CDH13: variants seen among roughly 807,000 people sequenced by gnomAD.
CDH13 encodes cadherin 13, also known as cadherin-13.
A neutral mutation model predicts 63.8 loss-of-function variants in CDH13; 24 were observed. The observed-to-expected ratio is 0.38, with a 90% confidence interval of 0.27 to 0.53. The LOEUF (loss-of-function observed/expected upper bound fraction) is 0.53, where lower values mean the gene tolerates loss of function less well. Among genes scored for constraint, CDH13 ranks in the 20% least tolerant of loss-of-function variants. The pLI is 0.85. For missense variants in CDH13, 1,049 were observed against 903.1 expected (o/e 1.16, Z -2.07); for synonymous variants, 503 against 355.3 (o/e 1.42, Z -4.67).
At chr16:83,126,774 A>G (rs1358896189) in intron 4 of CDH13, among the ~76,000 whole-genome samples, 3 of 152,194 alleles carry the variant, frequency 2.0e-5, no homozygotes, top group African/African-American at 4.8e-5. Context: ...TTGCTGTTGA[A>G]CTACTAATTC....
intron 8 of CDH13, among the ~76,000 whole-genome samples, chr16:83,628,626 T>C (rs546922112): frequency 6.6e-6 from 1 of 152,348 alleles, no homozygotes; most frequent in South Asian, 2.1e-4. Context: ...TCTGTAGTTT[T>C]TATTTGCACA....
chr16:83,141,206 T>C (rs1270863181), intron 4 of CDH13, among the ~76,000 whole-genome samples: 1 of 152,208 alleles, frequency 6.6e-6, no homozygotes, highest in Non-Finnish European at 1.5e-5. Context: ...CCTCACTTGA[T>C]AGATAAGACA....
At chr16:82,966,776 A>C (rs906354059) in intron 2 of CDH13, among the ~76,000 whole-genome samples, 1 of 152,232 alleles carries the variant, frequency 6.6e-6, no homozygotes, top group Non-Finnish European at 1.5e-5. Context: ...AGAAAATTGC[A>C]GACTCGATGC....
chr16:83,764,199 T>C (rs1387104291), intron 11 of CDH13, among the ~76,000 whole-genome samples: 1 of 152,186 alleles, frequency 6.6e-6, no homozygotes, highest in Non-Finnish European at 1.5e-5. Flanking sequence ...AAGGCACTTA[T>C]GACCACCGTG....
At chr16:83,602,140 AAAAC>A (rs1567797657) in intron 7 of CDH13, among the ~76,000 whole-genome samples, 1 of 79,422 alleles carries the variant, frequency 1.3e-5, no homozygotes, top group Admixed American at 1.3e-4. Flanking sequence ...AAAAAAAAAA[AAAAC>A]CCAAAGGACA....
chr16:83,000,855 C>T (rs1422242141), intron 2 of CDH13, among the ~76,000 whole-genome samples: 5 of 152,014 alleles, frequency 3.3e-5, no homozygotes, highest in African/African-American at 4.8e-5. Flanking sequence ...CTGGGATTAC[C>T]GGCGTGAGCC....
At chr16:83,307,521 T>C (rs2089907433) in intron 5 of CDH13, among the ~76,000 whole-genome samples, 1 of 152,182 alleles carries the variant, frequency 6.6e-6, no homozygotes, top group African/African-American at 2.4e-5. Flanking sequence ...AAGGCAATTT[T>C]ACTAATAGGA....
chr16:83,000,223 A>ATTTTTT lies in CDH13; in HGVS notation c.158-31751_158-31746dup, dbSNP rs746904500. On this transcript the variant is annotated intron_variant, in intron 2 of 13. Coordinates refer to ENST00000567109, the MANE Select transcript of CDH13 (RefSeq NM_001257.5). ...CTAGGAATATCCACAGGTTTAGCTT[A>ATTTTTT]TTTTTTTTTTTTTTTTTTTTTTTTT... Among the ~76,000 whole-genome samples the ATTTTTT allele has an allele frequency of 2.4e-3, 90 of 37,002 alleles. 9 individuals carry two copies. Among genetic ancestry groups the ATTTTTT allele is most frequent in the Middle Eastern group, 0.023 (1 of 44 alleles). 24.3% of individuals were successfully genotyped at this position (37,002 alleles called of 152,430 possible).
intron 3 of CDH13, among the ~76,000 whole-genome samples, chr16:83,043,600 T>C (rs779253179): frequency 2.0e-5 from 3 of 151,960 alleles, no homozygotes; most frequent in Non-Finnish European, 4.4e-5. Context: ...GGCTCACACC[T>C]GTAATCCCAG....
chr16:83,573,060 A>T (rs2150709093), intron 7 of CDH13, among the ~76,000 whole-genome samples: 1 of 152,346 alleles, frequency 6.6e-6, no homozygotes, highest in African/African-American at 2.4e-5. Context: ...TAGTAAGAAC[A>T]TCATCTCACA....
chr16:83,207,859 C>G (rs2039228703), intron 4 of CDH13, among the ~76,000 whole-genome samples: 1 of 151,546 alleles, frequency 6.6e-6, no homozygotes. Context: ...TGAACATTGA[C>G]TTCCTTAGAG....
chr16:83,095,083 C>T (rs1487194720), intron 3 of CDH13, among the ~76,000 whole-genome samples: 3 of 152,156 alleles, frequency 2.0e-5, no homozygotes, highest in Admixed American at 1.3e-4. Context: ...ACTTTATTGT[C>T]AACTTGATAA....
At chr16:82,900,537 A>G (rs751303564) in intron 2 of CDH13, among the ~76,000 whole-genome samples, 17 of 152,234 alleles carry the variant, frequency 1.1e-4, no homozygotes, top group Non-Finnish European at 7.3e-5. Flanking sequence ...GAATTGAGAA[A>G]AGGATTTCTA....
intron 10 of CDH13, among the ~76,000 whole-genome samples, chr16:83,722,324 T>A (rs1418998468): frequency 6.6e-6 from 1 of 152,216 alleles, no homozygotes; most frequent in Non-Finnish European, 1.5e-5. Context: ...ATATGTACAG[T>A]GTCCAACCCC....
At chr16:83,161,098 A>G (rs78507145) in intron 4 of CDH13, among the ~76,000 whole-genome samples, 4 of 152,282 alleles carry the variant, frequency 2.6e-5, no homozygotes, top group Middle Eastern at 6.8e-3. Context: ...GAGATTGGCA[A>G]CCCTTCCTGA....
chr16:82,792,556 C>A (rs7193817), intron 1 of CDH13, among the ~76,000 whole-genome samples: 2 of 152,048 alleles, frequency 1.3e-5, no homozygotes, highest in Non-Finnish European at 2.9e-5. Flanking sequence ...GGTTTAGTTG[C>A]CCCTCTAGAC....
At position 83,442,399 on chromosome 16, in the gene CDH13, C is replaced by T. The variant is rs140723426; in HGVS notation, c.782-44078C>T. ...TTCCAAAGCTACCAGTCTGGTGATTCAGCCAAAGACCCATCATTAAAGAGC... is the reference window on the plus strand; with the variant it reads ...TTCCAAAGCTACCAGTCTGGTGATTTAGCCAAAGACCCATCATTAAAGAGC... On this transcript the variant is annotated intron_variant, in intron 6 of 13. Coordinates refer to ENST00000567109, the MANE Select transcript of CDH13 (RefSeq NM_001257.5). Among the ~76,000 whole-genome samples, 297 of 152,312 alleles carry T rather than the reference C, an allele frequency of 1.9e-3. 1 individual carries two copies. Among genetic ancestry groups the T allele is most frequent in the African/African-American group, 7.0e-3 (292 of 41,570 alleles).
chr16:82,726,996 C>T (rs2151029728), intron 1 of CDH13, among the ~76,000 whole-genome samples: 1 of 152,250 alleles, frequency 6.6e-6, no homozygotes, highest in African/African-American at 2.4e-5. Context: ...TACAAAACTG[C>T]TTTTGTTCTT....
chr16:83,082,261 T>C (rs962418561), intron 3 of CDH13, among the ~76,000 whole-genome samples: 1 of 152,200 alleles, frequency 6.6e-6, no homozygotes, highest in African/African-American at 2.4e-5. Context: ...AATGTATTCA[T>C]TGCATCTCAA....
Sources: allele counts gnomAD v4.1 joint callset (sites outside exome capture counted in the v4.1 genomes callset), GRCh38; gene constraint gnomAD v4.1.1; transcripts MANE v1.5; gene names NCBI Gene and HGNC (gene_info 2026-07-23, HGNC 2026-07-21).